The following CDH11 variants were observed in gnomAD, a reference collection of about 807,000 sequenced individuals.
CDH11 encodes cadherin-11.
In CDH11, 11 loss-of-function variants were observed where a neutral mutation model predicts 67.8. The observed-to-expected ratio is 0.16, with a 90% CI of 0.10 to 0.27. The LOEUF (loss-of-function observed/expected upper bound fraction) is 0.27. CDH11 is among the 10% of genes least tolerant of loss of function. CDH11 has a pLI of 1.00. For synonymous variants in CDH11, 419 were observed against 400.0 expected (o/e 1.05, Z -0.57); for missense variants, 847 against 1,031.2 (o/e 0.82, Z 2.45).
chr16:64,998,226 C>T (rs1053079517), intron 4 of CDH11, among the ~76,000 whole-genome samples: 1 of 152,164 alleles, frequency 6.6e-6, no homozygotes, highest in Non-Finnish European at 1.5e-5. Context: ...GGAATTACCT[C>T]ATTGTAAAGA....
chr16:65,035,743 AG>A (rs1422467822), intron 2 of CDH11, among the ~76,000 whole-genome samples: 1 of 152,198 alleles, frequency 6.6e-6, no homozygotes, highest in African/African-American at 2.4e-5. Flanking sequence ...AACAAAGGTA[AG>A]GGTTATTATT....
At chr16:64,952,991 C>T (rs1413879368) in intron 11 of CDH11, among the ~76,000 whole-genome samples, 1 of 152,142 alleles carries the variant, frequency 6.6e-6, no homozygotes, top group Non-Finnish European at 1.5e-5. Flanking sequence ...ATGGCACAGT[C>T]TTTGCATATA....
Position 64,945,298 on chromosome 16 carries a change from A to T in CDH11, c.*2305T>A, listed in dbSNP as rs554684494. ...AATAGAGGCTTAACGAAAAAATAAA[A>T]GGTAAAAAAAAAAAAAAAAAAGAAA... On this transcript the variant is annotated 3_prime_UTR_variant, in exon 13 of 13. Coordinates refer to ENST00000268603, the MANE Select transcript of CDH11 (RefSeq NM_001797.4). 3.9e-4 allele frequency: 201 copies of T among 510,532 alleles called. No homozygotes were observed. In the African/African-American group the frequency reaches 5.8e-3, roughly 15 times the overall value. 31.6% of individuals were successfully genotyped at this position (510,532 alleles called of 1,614,324 possible). A position where few individuals can be genotyped will look rare whatever the true frequency, so the allele number is the denominator to read the frequency against.
intron 1 of CDH11, among the ~76,000 whole-genome samples, chr16:65,120,882 G>C (rs62044964): frequency 6.6e-6 from 1 of 152,116 alleles, no homozygotes; most frequent in Non-Finnish European, 1.5e-5. Flanking sequence ...AGCGTGAGGC[G>C]GGCCCTCCTA....
intron 1 of CDH11, among the ~76,000 whole-genome samples, chr16:65,110,389 G>A (rs895344155): frequency 6.6e-6 from 1 of 152,160 alleles, no homozygotes; most frequent in Admixed American, 6.5e-5. Context: ...GGGCAGCACA[G>A]TCTTTGCAGG....
At chr16:65,050,200 T>G (rs1163481431) in intron 2 of CDH11, among the ~76,000 whole-genome samples, 1 of 152,180 alleles carries the variant, frequency 6.6e-6, no homozygotes, top group Admixed American at 6.5e-5. Context: ...CTTAGAAGCC[T>G]TATCCTGTAG....
rs147465259 is a variant in CDH11, at chr16:64,946,078, G to A, written c.*1525C>T. ...ACACACTCCTGGACCAAATGGCATC[G>A]ACTCTCAGAATCCAAAATGGTCCCT... On this transcript the variant is annotated 3_prime_UTR_variant, in exon 13 of 13. Transcript: ENST00000268603. 57 of 1,057,912 alleles carry A rather than the reference G, an allele frequency of 5.4e-5. No homozygotes were observed. In the African/African-American group the frequency reaches 9.2e-4, roughly 17 times the overall value. 65.5% of individuals were successfully genotyped at this position (1,057,912 alleles called of 1,614,324 possible). A position where few individuals can be genotyped will look rare whatever the true frequency, so the allele number is the denominator to read the frequency against.
At chr16:65,089,253 C>A (rs2074751555) in intron 1 of CDH11, among the ~76,000 whole-genome samples, 1 of 152,124 alleles carries the variant, frequency 6.6e-6, no homozygotes, top group Admixed American at 6.5e-5. Context: ...TAGTCACGAA[C>A]TACATTACCC....
At chr16:65,032,156 A>G (rs1203619160) in intron 2 of CDH11, among the ~76,000 whole-genome samples, 2 of 152,134 alleles carry the variant, frequency 1.3e-5, no homozygotes, top group Non-Finnish European at 2.9e-5. Flanking sequence ...CTGAATCTTT[A>G]CAGTCTTGTG....
intron 1 of CDH11, among the ~76,000 whole-genome samples, chr16:65,067,994 G>T (rs1375474230): frequency 1.5e-4 from 9 of 59,738 alleles, no homozygotes; most frequent in Admixed American, 1.0e-3. Context: ...AAGGGAGGGA[G>T]GGAAGAAGGG....
chr16:65,054,046 G>A, intron 1 of CDH11, 118 bp from the exon 2 acceptor site: 1 of 365,516 alleles, frequency 2.7e-6, no homozygotes, highest in African/African-American at 2.1e-5. Flanking sequence ...CAATCCAGGT[G>A]TGCAAAGAGA....
At chr16:65,108,301 A>G (rs1029843753) in intron 1 of CDH11, among the ~76,000 whole-genome samples, 1 of 152,176 alleles carries the variant, frequency 6.6e-6, no homozygotes. Flanking sequence ...GATTCCCTGC[A>G]ATGATTGCAG....
chr16:65,051,587 A>T (rs1259819536), intron 2 of CDH11, among the ~76,000 whole-genome samples: 1 of 152,164 alleles, frequency 6.6e-6, no homozygotes, highest in Admixed American at 6.6e-5. Context: ...CGTCCACCCA[A>T]ATCTCATCTC....
chr16:64,963,478 A>T (rs2071727159), intron 11 of CDH11, among the ~76,000 whole-genome samples: 1 of 152,174 alleles, frequency 6.6e-6, no homozygotes, highest in Admixed American at 6.5e-5. Context: ...AAGGTGTAAT[A>T]TATATGTGAT....
At chr16:65,019,120 G>T (rs936342443) in intron 2 of CDH11, among the ~76,000 whole-genome samples, 3 of 152,096 alleles carry the variant, frequency 2.0e-5, no homozygotes, top group African/African-American at 7.2e-5. Context: ...TTTTATATTT[G>T]ACAATGTTTC....
At chr16:65,018,937 T>C (rs1470777618) in intron 2 of CDH11, among the ~76,000 whole-genome samples, 3 of 152,166 alleles carry the variant, frequency 2.0e-5, no homozygotes, top group African/African-American at 7.2e-5. Context: ...AAAGATGCAA[T>C]TGACAAGGAA....
chr16:64,981,211 T>A (rs984451092), intron 8 of CDH11: 4 of 150,680 alleles, frequency 2.7e-5, no homozygotes, highest in African/African-American at 9.9e-5. Flanking sequence ...GTTCAAGCGA[T>A]TGTCCTGCCT....
chr16:64,974,273 C>G (rs190451716), intron 8 of CDH11, among the ~76,000 whole-genome samples: 1 of 152,110 alleles, frequency 6.6e-6, no homozygotes, highest in Non-Finnish European at 1.5e-5. Flanking sequence ...TCAGGTAGTA[C>G]GCTGAGCTTC....
chr16:65,001,212 GA>G (rs1367338319), intron 3 of CDH11, among the ~76,000 whole-genome samples: 5 of 152,114 alleles, frequency 3.3e-5, no homozygotes, highest in African/African-American at 7.2e-5. Flanking sequence ...TTTCTAGGGG[GA>G]AAAAATAAAC....
Sources: allele counts gnomAD v4.1 joint callset (sites outside exome capture counted in the v4.1 genomes callset), GRCh38; gene constraint gnomAD v4.1.1; transcripts MANE v1.5; gene names NCBI Gene and HGNC (gene_info 2026-07-23, HGNC 2026-07-21).